Variants in SVIL observed in about 807,000 individuals in gnomAD.
SVIL encodes the protein archvillin.
In SVIL, 101 loss-of-function variants were observed where a neutral mutation model predicts 240.4. The ratio of observed to expected loss-of-function variants is 0.42; its 90% CI spans 0.36 to 0.50. The LOEUF is 0.50. Among genes scored for constraint, SVIL ranks in the 20% least tolerant of loss-of-function variants. The pLI is 0.01. For synonymous variants in SVIL, 999 were observed against 1,100.0 expected, an observed-to-expected ratio of 0.91 and a Z score of 1.82; for missense variants, 2,512 against 2,818.7, an observed-to-expected ratio of 0.89 and a Z score of 2.46.
chr10:29,589,575 C>T (rs572853925), intron 1 of SVIL, among the ~76,000 whole-genome samples: 3 of 152,090 alleles, frequency 2.0e-5, no homozygotes, highest in East Asian at 1.9e-4. Context: ...CTTCAGCTGC[C>T]GGCTTTGGGG....
chr10:29,585,094 T>C (rs939502799), intron 1 of SVIL, among the ~76,000 whole-genome samples: 17 of 151,640 alleles, frequency 1.1e-4, no homozygotes, highest in Admixed American at 9.9e-4. Flanking sequence ...TCCTTTTTTT[T>C]TTTTTTGAGA....
intron 17 of SVIL, among the ~76,000 whole-genome samples, chr10:29,500,746 C>T (rs548468399): frequency 2.0e-5 from 3 of 152,280 alleles, no homozygotes; most frequent in Non-Finnish European, 4.4e-5. Flanking sequence ...TAAGGCCTCG[C>T]GCTGACACAG....
At chr10:29,688,154 C>T (rs1016163203) in intron 1 of SVIL, among the ~76,000 whole-genome samples, 4 of 152,186 alleles carry the variant, frequency 2.6e-5, no homozygotes, top group African/African-American at 7.2e-5. Flanking sequence ...TTGAAAATTT[C>T]CAAGCTTCTG....
At chr10:29,514,399 G>T (rs1333827974) in intron 16 of SVIL, among the ~76,000 whole-genome samples, 1 of 152,056 alleles carries the variant, frequency 6.6e-6, no homozygotes, top group Non-Finnish European at 1.5e-5. Flanking sequence ...ACTGCGCCTG[G>T]TTAATTTTTA....
In SVIL at chr10:29,458,303, T is replaced by C. The variant is rs1943789023; in HGVS notation, c.6589A>G (p.Asn2197Asp). The change falls in exon 38 of 38, where the codon AAC becomes GAC. Residue 2197 changes from asparagine to aspartate, a missense_variant. Asn to Asp is a conservative substitution (Grantham distance 23). Coordinates refer to ENST00000355867, the MANE Select transcript of SVIL (RefSeq NM_021738.3). ...FALDMTRDEY[N>D]ALPAWKQVNL... ...ACCTGCTTCCAGGCGGGCAGGGCGT[T>C]GTATTCATCCCTCGTCATGTCTAGT... 1.9e-6 allele frequency: 3 copies of C among 1,614,232 alleles called. No homozygotes were observed. Among genetic ancestry groups the C allele is most frequent in the Non-Finnish European group, 2.5e-6 (3 of 1,180,048 alleles).
intron 1 of SVIL, among the ~76,000 whole-genome samples, chr10:29,616,635 C>T (rs1467947839): frequency 4.6e-5 from 7 of 152,214 alleles, no homozygotes; most frequent in African/African-American, 9.7e-5. Flanking sequence ...AGGATCTCTG[C>T]GCCCACTTTT....
rs1947252427 is a variant in SVIL at position 29,484,944 on chromosome 10, T to C, written c.4780-113A>G. On this transcript the variant is annotated intron_variant, in intron 26 of 37. Transcript: ENST00000355867. This position sits in a 1 kb window ranked among gnomAD's most constrained non-coding sequence, Gnocchi z 4.7. ...GTCAAACGGAGGAAGACAGAAATCC[T>C]AACGGGGCGACCAACACAGACACAA... 1 of 1,159,882 alleles carries C rather than the reference T, an allele frequency of 8.6e-7. No individual in the cohort carries two copies. Among genetic ancestry groups the C allele is most frequent in the Non-Finnish European group, 1.2e-6 (1 of 841,534 alleles). 71.8% of individuals were successfully genotyped at this position (1,159,882 alleles called of 1,614,324 possible). A position where few individuals can be genotyped will look rare whatever the true frequency, so the allele number is the denominator to read the frequency against.
chr10:29,656,799 C>T lies in SVIL; in HGVS notation c.-201+1170G>A, dbSNP rs139059101. Among the ~76,000 whole-genome samples the T allele has an allele frequency of 3.1e-3, 468 of 152,304 alleles. 2 individuals carry two copies. The highest frequency in any genetic ancestry group is 0.012 in the South Asian group (57 of 4,832). On this transcript the variant is annotated intron_variant, in intron 3 of 35. Coordinates refer to the SVIL transcript ENST00000375400. ...GCAGCACCCAATTAAAGCCTTCTTC[C>T]TTGGCAACACTTGTTGTCTCAGGCA... is the stretch of plus-strand genomic sequence containing the variant.
intron 16 of SVIL, among the ~76,000 whole-genome samples, chr10:29,519,338 C>G (rs1356897254): frequency 6.6e-6 from 1 of 152,104 alleles, no homozygotes; most frequent in Non-Finnish European, 1.5e-5. Flanking sequence ...CAGCTCTATT[C>G]ACTACGTGGC....
chr10:29,682,038 T>C (rs1180656727), intron 2 of SVIL, among the ~76,000 whole-genome samples: 4 of 152,096 alleles, frequency 2.6e-5, no homozygotes, highest in African/African-American at 9.7e-5. Context: ...ATCAGAGAGT[T>C]TCCTGGGAGG....
intron 1 of SVIL, among the ~76,000 whole-genome samples, chr10:29,715,516 C>T (rs1963563401): frequency 6.6e-6 from 1 of 152,168 alleles, no homozygotes; most frequent in Non-Finnish European, 1.5e-5. Context: ...GTTAGTAACC[C>T]ATGGGAAGAG....
At chr10:29,680,897 C>T (rs554169391) in intron 2 of SVIL, among the ~76,000 whole-genome samples, 13 of 150,898 alleles carry the variant, frequency 8.6e-5, no homozygotes, top group East Asian at 3.9e-4. Context: ...CCAGCCTGGG[C>T]GACAGAGTGA....
At chr10:29,594,282 T>G (rs138059324) in intron 1 of SVIL, among the ~76,000 whole-genome samples, 4 of 37,460 alleles carry the variant, frequency 1.1e-4, no homozygotes, top group African/African-American at 5.0e-4. Context: ...AATTCTAAGA[T>G]CTGAAACACT....
chr10:29,547,421 A>G (rs1564617315), intron 6 of SVIL, among the ~76,000 whole-genome samples: 1 of 151,164 alleles, frequency 6.6e-6, no homozygotes, highest in Non-Finnish European at 1.5e-5. Flanking sequence ...GCACCTCTCT[A>G]GAAGTCCTTA....
At chr10:29,667,436 G>A (rs868597236) in intron 2 of SVIL, among the ~76,000 whole-genome samples, 10 of 152,142 alleles carry the variant, frequency 6.6e-5, no homozygotes, top group African/African-American at 4.8e-5. Context: ...AACAGCAGTC[G>A]TTGCCAGAAT....
chr10:29,704,419 TTC>T (rs944126816), intron 1 of SVIL, among the ~76,000 whole-genome samples: 1 of 151,844 alleles, frequency 6.6e-6, no homozygotes, highest in Non-Finnish European at 1.5e-5. Context: ...TTCTCATGCT[TTC>T]TCTCTCTCTC....
At chr10:29,525,721 T>C (rs528347230) in intron 13 of SVIL, among the ~76,000 whole-genome samples, 89 of 152,322 alleles carry the variant, frequency 5.8e-4, no homozygotes, top group Admixed American at 9.2e-4. Context: ...GGGTTTGTAA[T>C]GCACTATATC....
At chr10:29,492,064 C>T (rs1812275) in intron 21 of SVIL, among the ~76,000 whole-genome samples, 7,169 of 152,120 alleles carry the variant, frequency 0.047, 240 homozygotes, top group Middle Eastern at 0.075. Flanking sequence ...GGTGGATTGC[C>T]GTGGGTGGAG....
At chr10:29,486,038 G>A in intron 26 of SVIL, 47 bp downstream of exon 26, 1 of 1,611,448 alleles carries the variant, frequency 6.2e-7, no homozygotes, top group Non-Finnish European at 8.5e-7. Flanking sequence ...TGTGCTGAGT[G>A]CTTTCAATGT....
Sources: allele counts gnomAD v4.1 joint callset (sites outside exome capture counted in the v4.1 genomes callset), GRCh38; gene constraint gnomAD v4.1.1; non-coding constraint Gnocchi (gnomAD v3.1); transcripts MANE v1.5; gene names NCBI Gene and HGNC (gene_info 2026-07-23, HGNC 2026-07-21).